RANBP2: variants seen among roughly 807,000 people sequenced by gnomAD.
The protein encoded by RANBP2 is RAN binding protein 2.
In RANBP2, 57 loss-of-function variants were observed where a neutral mutation model predicts 303.6. The ratio of observed to expected loss-of-function variants is 0.19; its 90% CI spans 0.15 to 0.23. The LOEUF (loss-of-function observed/expected upper bound fraction) is 0.23. RANBP2 is among the 10% of genes least tolerant of loss of function. RANBP2 has a pLI of 1.00. For missense variants in RANBP2, 3,138 were observed against 3,780.8 expected, an observed-to-expected ratio of 0.83 and a Z score of 4.46; for synonymous variants, 1,167 against 1,301.5, an observed-to-expected ratio of 0.90 and a Z score of 2.23.
At chr2:109,586,145 T>C in the RANBP2 span, among the ~76,000 whole-genome samples, 1 of 152,120 alleles carries the variant, frequency 6.6e-6, no homozygotes, top group African/African-American at 2.4e-5. Context: ...AAATAAAAAG[T>C]TAAAGTCCAT....
the RANBP2 span, chr2:108,897,261 G>T: frequency 1.3e-6 from 2 of 1,584,550 alleles, no homozygotes; most frequent in South Asian, 2.2e-5. Flanking sequence ...GTTAGATGTT[G>T]CAAGTCACAG....
At chr2:109,571,119 T>C in the RANBP2 span, among the ~76,000 whole-genome samples, 78 of 152,292 alleles carry the variant, frequency 5.1e-4, no homozygotes, top group African/African-American at 1.7e-3. Flanking sequence ...TCTCAGGTCA[T>C]ATAAGACATG....
the RANBP2 span, among the ~76,000 whole-genome samples, chr2:109,332,482 T>G: frequency 4.6e-5 from 7 of 152,310 alleles, no homozygotes; most frequent in South Asian, 1.4e-3. Context: ...ACAAGGCTCC[T>G]TTGCTGCCTC....
the RANBP2 span, among the ~76,000 whole-genome samples, chr2:109,202,093 C>G: frequency 6.6e-6 from 1 of 152,224 alleles, no homozygotes; most frequent in Non-Finnish European, 1.5e-5. Flanking sequence ...ACAGCCTCCC[C>G]TCGAGGCGAT....
chr2:108,797,954 G>T, the RANBP2 span, among the ~76,000 whole-genome samples: 1 of 119,676 alleles, frequency 8.4e-6, no homozygotes, highest in African/African-American at 3.0e-5. Flanking sequence ...CACTTTTCAC[G>T]GTGTGTGATT....
At chr2:108,829,440 C>T in the RANBP2 span, among the ~76,000 whole-genome samples, 1 of 152,224 alleles carries the variant, frequency 6.6e-6, no homozygotes, top group Non-Finnish European at 1.5e-5. Flanking sequence ...TACCACTTAA[C>T]ACCTATTAGA....
chr2:109,400,575 G>GCACACA, the RANBP2 span, among the ~76,000 whole-genome samples: 265 of 147,086 alleles, frequency 1.8e-3, 3 homozygotes, highest in South Asian at 0.025. Context: ...ACACCTGTGC[G>GCACACA]CACACACACA....
At chr2:109,605,809 G>A in the RANBP2 span, 9 of 152,248 alleles carry the variant, frequency 5.9e-5, no homozygotes, top group African/African-American at 2.2e-4. Context: ...TATGTGACAA[G>A]CAGCCTATCT....
chr2:108,911,941 A>G, the RANBP2 span, among the ~76,000 whole-genome samples: 1 of 152,222 alleles, frequency 6.6e-6, no homozygotes, highest in Non-Finnish European at 1.5e-5. Flanking sequence ...GGTCTGGATG[A>G]CATAAGTGTT....
At chr2:109,161,605 C>G in the RANBP2 span, among the ~76,000 whole-genome samples, 1 of 151,926 alleles carries the variant, frequency 6.6e-6, no homozygotes, top group Non-Finnish European at 1.5e-5. Flanking sequence ...CACAATTCTG[C>G]TGACTGGAAG....
At chr2:108,796,510 C>T in the RANBP2 span, among the ~76,000 whole-genome samples, 4 of 152,256 alleles carry the variant, frequency 2.6e-5, no homozygotes, top group African/African-American at 9.6e-5. Context: ...AACGGCGTAT[C>T]GAAGAGATAC....
chr2:108,754,113 T>C, intron 15 of RANBP2, 142 bp downstream of exon 15: 16 of 1,583,454 alleles, frequency 1.0e-5, no homozygotes, highest in Non-Finnish European at 1.4e-5. Flanking sequence ...TGTGTCTAAA[T>C]GCTTATATTT....
chr2:109,496,992 T>C, the RANBP2 span, among the ~76,000 whole-genome samples: 1 of 152,126 alleles, frequency 6.6e-6, no homozygotes, highest in African/African-American at 2.4e-5. Flanking sequence ...TGAAGGCAGC[T>C]TCTAGCAACT....
the RANBP2 span, among the ~76,000 whole-genome samples, chr2:109,324,293 C>T: frequency 6.6e-6 from 1 of 152,178 alleles, no homozygotes; most frequent in African/African-American, 2.4e-5. Flanking sequence ...TTTTTGTGGA[C>T]AGGTTTCCAC....
intron 7 of RANBP2, among the ~76,000 whole-genome samples, chr2:108,741,257 C>G (rs530617155): frequency 6.6e-6 from 1 of 152,034 alleles, no homozygotes; most frequent in African/African-American, 2.4e-5. Context: ...AGTGCAGTGG[C>G]GTGATCTCGG....
chr2:109,344,781 G>A, the RANBP2 span, among the ~76,000 whole-genome samples: 6 of 152,170 alleles, frequency 3.9e-5, no homozygotes, highest in African/African-American at 7.2e-5. Context: ...GGTCCTTGCC[G>A]AGCAGCTGAG....
the RANBP2 span, among the ~76,000 whole-genome samples, chr2:108,849,564 T>C: frequency 4.0e-3 from 604 of 152,226 alleles, 4 homozygotes; most frequent in Admixed American, 8.2e-3. Flanking sequence ...CTTCACTCTC[T>C]AGTCTCCCTT....
chr2:109,589,297 C>G, the RANBP2 span, among the ~76,000 whole-genome samples: 2 of 152,084 alleles, frequency 1.3e-5, no homozygotes, highest in Non-Finnish European at 2.9e-5. Flanking sequence ...CTTTAGGAGG[C>G]CAAGGCAGGC....
the RANBP2 span, among the ~76,000 whole-genome samples, chr2:109,300,328 C>T: frequency 1.2e-3 from 181 of 152,212 alleles, no homozygotes; most frequent in East Asian, 0.026. Flanking sequence ...TATAGTCGCA[C>T]GCCACCATGT....
Sources: allele counts gnomAD v4.1 joint callset (sites outside exome capture counted in the v4.1 genomes callset), GRCh38; gene constraint gnomAD v4.1.1; transcripts MANE v1.5; gene names NCBI Gene and HGNC (gene_info 2026-07-23, HGNC 2026-07-21).